The following KANSL1 variants were observed in gnomAD, a reference collection of about 807,000 sequenced individuals.
The protein encoded by KANSL1 is MLL1/MLL complex subunit KANSL1.
KANSL1 carries 22 observed loss-of-function variants against 103.6 expected under a neutral mutation model. The observed-to-expected ratio is 0.21, with a 90% CI of 0.15 to 0.30. The LOEUF (loss-of-function observed/expected upper bound fraction) is 0.30, where lower values mean the gene tolerates loss of function less well. Among genes scored for constraint, KANSL1 ranks in the 10% least tolerant of loss-of-function variants. The probability of loss-of-function intolerance (pLI) is 1.00; values close to 1 mark genes in which losing one functional copy is unlikely to be tolerated. For missense variants in KANSL1, 1,337 were observed against 1,399.8 expected (o/e 0.96, Z 0.72); for synonymous variants, 600 against 527.6 (o/e 1.14, Z -1.88).
At chr17:46,150,308 T>C (rs2045020806) in intron 2 of KANSL1, among the ~76,000 whole-genome samples, 1 of 152,112 alleles carries the variant, frequency 6.6e-6, no homozygotes, top group African/African-American at 2.4e-5. Flanking sequence ...CACTACCACC[T>C]AGAACTAAAA....
chr17:46,047,713 AG>A (rs2077561013), intron 7 of KANSL1, among the ~76,000 whole-genome samples: 1 of 151,680 alleles, frequency 6.6e-6, no homozygotes, highest in African/African-American at 2.4e-5. Context: ...TTTAGAGCCC[AG>A]GAAGTCAAGG....
intron 2 of KANSL1, among the ~76,000 whole-genome samples, chr17:46,115,296 G>A (rs1422582109): frequency 6.6e-6 from 1 of 152,152 alleles, no homozygotes; most frequent in Admixed American, 6.5e-5. Flanking sequence ...CTGACCTCAG[G>A]TGATCCACCC....
chr17:46,185,906 G>A (rs1451023639), intron 1 of KANSL1, among the ~76,000 whole-genome samples: 1 of 152,090 alleles, frequency 6.6e-6, no homozygotes, highest in South Asian at 2.1e-4. Context: ...TATTAATGGT[G>A]TTAATCCTAC....
intron 5 of KANSL1, 81 bp downstream of exon 5, chr17:46,067,468 G>A (rs1337765502): frequency 1.2e-6 from 1 of 855,928 alleles, no homozygotes; most frequent in Non-Finnish European, 2.0e-6. Flanking sequence ...ACCAGGGTCA[G>A]TCCTGGCTAA....
chr17:46,066,603 A>G lies in KANSL1; in HGVS notation c.1782T>C (p.Arg594=), dbSNP rs1447142324. 2 of 1,614,154 alleles carry G rather than the reference A, an allele frequency of 1.2e-6. No homozygotes were observed. The highest frequency in any genetic ancestry group is 1.7e-6 in the Non-Finnish European group (2 of 1,180,014). The change falls in exon 6 of 15, where the codon CGT becomes CGC. Residue 594 remains arginine (R), a synonymous_variant. Transcript: ENST00000432791. ...SDGTCVAART[R]PVLSCKKRRL... ...TCCGCTTCTTACAGCTCAGTACAGG[A>G]CGTGTCCGGGCTGCCACACAGGTGC...
chr17:46,196,342 C>G (rs1448834080), upstream of KANSL1: 4 of 456,326 alleles, frequency 8.8e-6, no homozygotes, highest in Non-Finnish European at 1.8e-5. Context: ...AGTTTTAACC[C>G]ATTCTCTTTG....
intron 6 of KANSL1, among the ~76,000 whole-genome samples, chr17:46,052,917 T>C (rs1055152826): frequency 1.6e-4 from 21 of 130,486 alleles, no homozygotes; most frequent in Admixed American, 9.1e-4. Context: ...TGAGCCATGA[T>C]TGCACCACTG....
At chr17:46,196,455 G>A (rs1301138520), upstream of KANSL1, 1 of 455,374 alleles carries the variant, frequency 2.2e-6, no homozygotes, top group South Asian at 1.6e-5. Context: ...AAAAATGATG[G>A]AGGAAAAAAC....
In KANSL1 at chr17:46,086,822, T is replaced by C. The variant is rs539492336; in HGVS notation, c.1432-4280A>G. Among the ~76,000 whole-genome samples, 3 of 152,260 alleles carry C rather than the reference T, an allele frequency of 2.0e-5. No individual in the cohort carries two copies. The South Asian group carries it at 6.2e-4, about 32-fold the overall frequency. On this transcript the variant is annotated intron_variant, in intron 3 of 14. Transcript: ENST00000432791. ...AATAATAATAAAAATTAGCCTGGTGTAATATCACACCTGTAGTTCCAGATA... is the reference window on the plus strand; with the variant it reads ...AATAATAATAAAAATTAGCCTGGTGCAATATCACACCTGTAGTTCCAGATA...
chr17:46,175,952 T>C (rs1364207473), intron 1 of KANSL1, among the ~76,000 whole-genome samples: 2 of 152,374 alleles, frequency 1.3e-5, no homozygotes, highest in South Asian at 2.1e-4. Flanking sequence ...TAAAAATATT[T>C]TGAGTCACTT....
intron 2 of KANSL1, among the ~76,000 whole-genome samples, chr17:46,161,250 TAAAAAA>T (rs534754110): frequency 1.5e-4 from 12 of 79,398 alleles, no homozygotes; most frequent in African/African-American, 5.2e-4. Flanking sequence ...CCACCTCTAC[TAAAAAA>T]AAAAAAAAAA....
At chr17:46,168,971 G>C (rs2046144706) in intron 2 of KANSL1, among the ~76,000 whole-genome samples, 1 of 152,172 alleles carries the variant, frequency 6.6e-6, no homozygotes, top group Non-Finnish European at 1.5e-5. Context: ...TCATTGGTTT[G>C]TAACGCTTAC....
chr17:46,112,926 G>T (rs1343226562), intron 2 of KANSL1, among the ~76,000 whole-genome samples: 3 of 152,132 alleles, frequency 2.0e-5, no homozygotes, highest in Non-Finnish European at 4.4e-5. Flanking sequence ...TCTCCATGTT[G>T]GTCAGGGTGG....
chr17:46,148,311 C>T (rs1448639992), intron 2 of KANSL1: 1 of 152,216 alleles, frequency 6.6e-6, no homozygotes, highest in Non-Finnish European at 1.5e-5. Context: ...GAACATAAAT[C>T]AGTTCTGTCA....
intron 2 of KANSL1, among the ~76,000 whole-genome samples, chr17:46,163,171 C>G (rs1179525813): frequency 6.6e-6 from 1 of 152,218 alleles, no homozygotes; most frequent in African/African-American, 2.4e-5. Flanking sequence ...TCTATATTCC[C>G]CATGAGGGCA....
intron 1 of KANSL1, among the ~76,000 whole-genome samples, chr17:46,189,031 CAAAAAAAAAA>C (rs57566816): frequency 0.025 from 1,523 of 61,954 alleles, 15 homozygotes; most frequent in African/African-American, 0.035. Flanking sequence ...AAGATTGTCT[CAAAAAAAAAA>C]AAAAAAAAAA....
chr17:46,034,491 A>G (rs551559687), intron 10 of KANSL1: 2 of 502,082 alleles, frequency 4.0e-6, no homozygotes, highest in Admixed American at 7.1e-5. Flanking sequence ...GGTCATGAGG[A>G]GTTAGTCCCA....
At chr17:46,143,894 CG>C (rs2044561233) in intron 2 of KANSL1, among the ~76,000 whole-genome samples, 2 of 151,568 alleles carry the variant, frequency 1.3e-5, no homozygotes, top group Non-Finnish European at 2.9e-5. Context: ...GAGTGATATC[CG>C]AGGACCACAG....
chr17:46,133,143 G>A (rs1217740394), intron 2 of KANSL1, among the ~76,000 whole-genome samples: 1 of 152,178 alleles, frequency 6.6e-6, no homozygotes, highest in East Asian at 1.9e-4. Flanking sequence ...TCAGGTGTGA[G>A]ATGGATGGAG....
Sources: gnomAD v4.1 joint callset for allele counts (sites outside exome capture counted in the v4.1 genomes callset) on GRCh38, gnomAD v4.1.1 for gene constraint, MANE v1.5 for transcripts, NCBI Gene and HGNC (gene_info 2026-07-23, HGNC 2026-07-21) for gene names.